The following VPS26C variants were observed in gnomAD, a reference collection of about 807,000 sequenced individuals.
VPS26C encodes VPS26 endosomal protein sorting factor C.
VPS26C carries 19 observed loss-of-function variants against 30.6 expected under a neutral mutation model. The observed-to-expected ratio is 0.62, with a 90% CI of 0.43 to 0.91. VPS26C has a LOEUF of 0.91. Among genes scored for constraint, VPS26C ranks in the 40% least tolerant of loss-of-function variants. VPS26C has a pLI of 0.00. For missense variants in VPS26C, 318 were observed against 385.1 expected (o/e 0.83, Z 1.46); for synonymous variants, 132 against 151.5 (o/e 0.87, Z 0.95).
In VPS26C at chr21:37,257,348, C is replaced by CGAGT. The variant is rs1291647764; in HGVS notation, c.57+9886_57+9889dup. ...TGAGGCCGTAGCGGCTTCTCGTGGG[C>CGAGT]GAGTCCCTGTTCGCAGGTGACGTGT... On this transcript the variant is annotated intron_variant, in intron 1 of 7. Coordinates refer to ENST00000309117, the MANE Select transcript of VPS26C (RefSeq NM_006052.2). The surrounding 1 kb of genome is among the most constrained non-coding windows in gnomAD (Gnocchi z 4.2). Among the ~76,000 whole-genome samples, 1 of 151,960 alleles carries CGAGT rather than the reference C, an allele frequency of 6.6e-6. No individual in the cohort carries two copies. The highest frequency in any genetic ancestry group is 1.5e-5 in the Non-Finnish European group (1 of 67,990).
chr21:37,238,326 A>C, intron 3 of VPS26C, 134 bp downstream of exon 3: 2 of 994,736 alleles, frequency 2.0e-6, no homozygotes, highest in Non-Finnish European at 2.9e-6. Context: ...TTAACGTCGA[A>C]TATACATGCG....
intron 3 of VPS26C, among the ~76,000 whole-genome samples, chr21:37,234,035 A>G (rs1017480791): frequency 6.6e-6 from 1 of 152,244 alleles, no homozygotes; most frequent in Non-Finnish European, 1.5e-5. Context: ...AGCACCCAGC[A>G]TGTCACAACC....
At chr21:37,244,479 C>A (rs1014284867) in intron 1 of VPS26C, among the ~76,000 whole-genome samples, 1 of 152,210 alleles carries the variant, frequency 6.6e-6, no homozygotes, top group East Asian at 1.9e-4. Context: ...AGTGATCCAC[C>A]CATCTCAGCC....
At chr21:37,258,752 G>T (rs537714893) in intron 1 of VPS26C, among the ~76,000 whole-genome samples, 1 of 152,104 alleles carries the variant, frequency 6.6e-6, no homozygotes, top group Non-Finnish European at 1.5e-5. Flanking sequence ...CTTGCAGGGG[G>T]TGAAGTGTGT....
At chr21:37,239,073 G>A (rs1486623731) in intron 2 of VPS26C, among the ~76,000 whole-genome samples, 1 of 152,122 alleles carries the variant, frequency 6.6e-6, no homozygotes, top group Non-Finnish European at 1.5e-5. Context: ...TGCTGCAGCC[G>A]CTCAGGGAGA....
rs1401164413 is a variant in VPS26C, at chr21:37,233,943, G to A, written c.352-501C>T. 2.0e-5 allele frequency among the ~76,000 whole-genome samples: 3 copies of A among 152,224 alleles called. No individual in the cohort carries two copies. The highest frequency in any genetic ancestry group is 2.4e-5 in the African/African-American group (1 of 41,450). On this transcript the variant is annotated intron_variant, in intron 3 of 7. Transcript: ENST00000309117. This position sits in a 1 kb window ranked among gnomAD's most constrained non-coding sequence, Gnocchi z 5.2. ...GTGACAAGCACTCAGCACAGGGCTGGCACAAAGCAATGCTGGAAAACAGCA... is the reference window on the plus strand; with the variant it reads ...GTGACAAGCACTCAGCACAGGGCTGACACAAAGCAATGCTGGAAAACAGCA...
At chr21:37,234,251 C>A (rs942180023) in intron 3 of VPS26C, among the ~76,000 whole-genome samples, 11 of 152,258 alleles carry the variant, frequency 7.2e-5, no homozygotes, top group Non-Finnish European at 1.6e-4. Flanking sequence ...TGCCAACACA[C>A]AGATGTAGCC....
intron 1 of VPS26C, chr21:37,261,614 T>C (rs1035281024): frequency 6.7e-6 from 1 of 150,192 alleles, no homozygotes; most frequent in Non-Finnish European, 1.5e-5. Context: ...GTTGTTGCTA[T>C]AACAGAAACT....
intron 5 of VPS26C, 85 bp downstream of exon 5, chr21:37,232,292 T>G (rs1172986170): frequency 8.7e-7 from 1 of 1,145,196 alleles, no homozygotes; most frequent in Non-Finnish European, 1.3e-6. Context: ...GATTTCCAAA[T>G]GAAGACCACC....
chr21:37,255,725 T>A (rs1394498880), intron 1 of VPS26C, among the ~76,000 whole-genome samples: 1 of 152,160 alleles, frequency 6.6e-6, no homozygotes, highest in African/African-American at 2.4e-5. Flanking sequence ...GCTGAGTAAA[T>A]TCTCCAGGAG....
intron 2 of VPS26C, among the ~76,000 whole-genome samples, 188 bp from the exon 3 acceptor site, chr21:37,238,797 T>A (rs936981365): frequency 2.0e-5 from 3 of 152,200 alleles, no homozygotes; most frequent in African/African-American, 7.2e-5. Context: ...TCTGGCACAA[T>A]AATGATTCAT....
rs1182319412 is a variant in VPS26C, at chr21:37,223,818, A to T, written c.*1726T>A. On this transcript the variant is annotated 3_prime_UTR_variant, in exon 8 of 8. Coordinates refer to ENST00000309117, the MANE Select transcript of VPS26C (RefSeq NM_006052.2). Reference sequence around the variant, plus strand: ...ATACTGGAAGTACATACAGCTTGGGAGGTCTTTGGCCTGAGCCTGTTTTGG... The same window carrying T: ...ATACTGGAAGTACATACAGCTTGGGTGGTCTTTGGCCTGAGCCTGTTTTGG... 1 of 152,024 alleles carries T rather than the reference A, an allele frequency of 6.6e-6. No individual in the cohort carries two copies. Among genetic ancestry groups the T allele is most frequent in the Admixed American group, 6.6e-5 (1 of 15,264 alleles). 9.4% of individuals were successfully genotyped at this position (152,024 alleles called of 1,614,324 possible). A position where few individuals can be genotyped will look rare whatever the true frequency, so the allele number is the denominator to read the frequency against.
At position 37,240,777 on chromosome 21, in the gene VPS26C, T is replaced by C. The variant is rs1011472434; in HGVS notation, c.58-138A>G. 2.6e-5 allele frequency: 31 copies of C among 1,206,260 alleles called. No individual in the cohort carries two copies. The African/African-American group carries it at 4.6e-4, about 18-fold the overall frequency. The allele number at this position is 1,206,260 out of a possible 1,614,324, so 74.7% of individuals were successfully genotyped here. On this transcript the variant is annotated intron_variant, in intron 1 of 7. Transcript: ENST00000309117. ...TCACTGAGACACCTGGATACCAGGGTGGAGAAGGCCCAGGTCCTGGTAGGG... is the reference window on the plus strand; with the variant it reads ...TCACTGAGACACCTGGATACCAGGGCGGAGAAGGCCCAGGTCCTGGTAGGG...
In VPS26C at chr21:37,238,607, A is replaced by G. The variant is rs1315516728; in HGVS notation, c.204T>C (p.Pro68=). ...VFEAFYNSVK[P]IQIINSTIEM... is the part of the protein sequence containing the mutation. Reference sequence around the variant, plus strand: ...CTATGGTGCTGTTGATAATCTGGATAGGCTGTAAACAAAAATCAGTTCAGT... The same window carrying G: ...CTATGGTGCTGTTGATAATCTGGATGGGCTGTAAACAAAAATCAGTTCAGT... Residue 68 remains proline (P), a splice_region_variant and synonymous_variant, in exon 3 of 8, where the codon CCT becomes CCC. Coordinates refer to ENST00000309117, the MANE Select transcript of VPS26C (RefSeq NM_006052.2). 1.2e-6 allele frequency: 2 copies of G among 1,614,048 alleles called. No individual in the cohort carries two copies. Among genetic ancestry groups the G allele is most frequent in the Admixed American group, 3.3e-5 (2 of 60,008 alleles).
intron 1 of VPS26C, among the ~76,000 whole-genome samples, chr21:37,264,793 T>C (rs1325260448): frequency 3.3e-5 from 5 of 152,174 alleles, no homozygotes; most frequent in Non-Finnish European, 7.3e-5. Flanking sequence ...CCTAGGTATA[T>C]ATCCAAGAGA....
At position 37,267,166 on chromosome 21, in the gene VPS26C, G is replaced by A. The variant is rs575762356; in HGVS notation, c.57+72C>T. On this transcript the variant is annotated intron_variant, in intron 1 of 7. Transcript: ENST00000309117. ...CGCCTAGGGACGCGGGACGTGCGCA[G>A]AGCGATGGAGACAGCGGAACCTGCA... 3.0e-3 allele frequency: 3,917 copies of A among 1,317,580 alleles called. 29 individuals carry two copies. The highest frequency in any genetic ancestry group is 0.011 in the South Asian group (864 of 79,912). The allele number at this position is 1,317,580 out of a possible 1,614,324, so 81.6% of individuals were successfully genotyped here. A position where few individuals can be genotyped will look rare whatever the true frequency, so the allele number is the denominator to read the frequency against.
intron 6 of VPS26C, 127 bp downstream of exon 6, chr21:37,228,096 C>T (rs978059733): frequency 1.1e-5 from 15 of 1,372,064 alleles, no homozygotes; most frequent in Non-Finnish European, 1.3e-5. Flanking sequence ...ACCTCAGCCT[C>T]CTGAGTAGCT....
chr21:37,236,862 C>G (rs4816561), intron 3 of VPS26C, among the ~76,000 whole-genome samples: 120,018 of 152,180 alleles, frequency 0.79, 47,741 homozygotes, highest in East Asian at 0.99. Context: ...CTAAGGAACC[C>G]ACCACCTGTT....
chr21:37,243,686 C>G (rs966792833), intron 1 of VPS26C, among the ~76,000 whole-genome samples: 1 of 152,220 alleles, frequency 6.6e-6, no homozygotes, highest in African/African-American at 2.4e-5. Context: ...CTTTTGCCAC[C>G]AGCAGCTAAG....
Sources: gnomAD v4.1 joint callset for allele counts (sites outside exome capture counted in the v4.1 genomes callset) on GRCh38, gnomAD v4.1.1 for gene constraint, Gnocchi (gnomAD v3.1) non-coding constraint, MANE v1.5 for transcripts, NCBI Gene and HGNC (gene_info 2026-07-23, HGNC 2026-07-21) for gene names.